Variants in SYTL5 observed in about 807,000 individuals in gnomAD.
The protein encoded by SYTL5 is synaptotagmin like 5.
In SYTL5, 34 loss-of-function variants were observed where a neutral mutation model predicts 55.9. That is an observed-to-expected ratio of 0.61 (90% CI 0.46 to 0.81). The LOEUF (loss-of-function observed/expected upper bound fraction) is 0.81. SYTL5 is among the 30% of genes least tolerant of loss of function. SYTL5 has a pLI of 0.00. For synonymous variants in SYTL5, 221 were observed against 188.7 expected, an observed-to-expected ratio of 1.17 and a Z score of -1.40; for missense variants, 637 against 546.7, an observed-to-expected ratio of 1.17 and a Z score of -1.65.
chrX:38,080,040 T>C (rs1936489358), intron 6 of SYTL5, among the ~76,000 whole-genome samples: 1 of 111,788 alleles, frequency 8.9e-6, no homozygotes, highest in African/African-American at 3.3e-5. Context: ...CTGTATTTTA[T>C]CTGACAACTC....
At chrX:38,057,610 G>A (rs770655856) in intron 3 of SYTL5, among the ~76,000 whole-genome samples, 88 of 111,607 alleles carry the variant, frequency 7.9e-4, no homozygotes, top group African/African-American at 2.5e-3. Flanking sequence ...CAGTTTTAAA[G>A]AAACGAATCT....
the SYTL5 span, among the ~76,000 whole-genome samples, chrX:37,970,217 T>C: frequency 9.0e-6 from 1 of 111,561 alleles, no homozygotes; most frequent in Non-Finnish European, 1.9e-5. Flanking sequence ...TTACTACGAC[T>C]TATGTAGTTC....
At chrX:37,971,236 T>C in the SYTL5 span, among the ~76,000 whole-genome samples, 2 of 110,461 alleles carry the variant, frequency 1.8e-5, no homozygotes, top group African/African-American at 6.6e-5. Flanking sequence ...TTTTTTCATG[T>C]TTTAAAAATC....
the SYTL5 span, among the ~76,000 whole-genome samples, chrX:37,954,901 T>G: frequency 9.0e-6 from 1 of 111,363 alleles, no homozygotes; most frequent in Non-Finnish European, 1.9e-5. Context: ...AATTCCAGTA[T>G]GCCATATGAA....
intron 1 of SYTL5, among the ~76,000 whole-genome samples, chrX:38,014,801 G>A (rs1934297604): frequency 8.9e-6 from 1 of 112,209 alleles, no homozygotes; most frequent in African/African-American, 3.2e-5. Context: ...AAAAAACAGG[G>A]CAAAGGAAGC....
At chrX:37,947,138 G>A in the SYTL5 span, among the ~76,000 whole-genome samples, 3 of 110,857 alleles carry the variant, frequency 2.7e-5, no homozygotes, top group Non-Finnish European at 5.7e-5. Flanking sequence ...CAAATTGATT[G>A]TCTTCATATT....
At chrX:38,026,285 G>A (rs761588805) in intron 1 of SYTL5, among the ~76,000 whole-genome samples, 12 of 111,916 alleles carry the variant, frequency 1.1e-4, no homozygotes, top group African/African-American at 1.6e-4. Flanking sequence ...GAAGGACTGC[G>A]TTATCATCAA....
intron 6 of SYTL5, among the ~76,000 whole-genome samples, chrX:38,083,762 T>A (rs1163135741): frequency 8.8e-5 from 7 of 79,832 alleles, no homozygotes; most frequent in African/African-American, 3.7e-4. Context: ...AGTTTAGTTT[T>A]TAAATAGACT....
the SYTL5 span, among the ~76,000 whole-genome samples, chrX:37,914,246 C>T: frequency 9.0e-6 from 1 of 111,536 alleles, no homozygotes; most frequent in Non-Finnish European, 1.9e-5. Context: ...TAGACAAATA[C>T]TCCTACATGT....
At chrX:38,105,839 T>C (rs1937196519) in intron 10 of SYTL5, among the ~76,000 whole-genome samples, 1 of 112,320 alleles carries the variant, frequency 8.9e-6, no homozygotes, top group South Asian at 3.8e-4. Context: ...CTCATGTCAT[T>C]AGTGTCTTGT....
At chrX:37,955,560 C>T in the SYTL5 span, among the ~76,000 whole-genome samples, 1 of 111,757 alleles carries the variant, frequency 8.9e-6, no homozygotes, top group East Asian at 2.8e-4. Context: ...TATTTTTGTT[C>T]TTAAGGTTAA....
chrX:38,011,419 C>T (rs780518101), intron 1 of SYTL5, among the ~76,000 whole-genome samples: 39 of 109,659 alleles, frequency 3.6e-4, no homozygotes, highest in African/African-American at 1.2e-3. Flanking sequence ...ATCACGAGGT[C>T]AGGAGATCGA....
the SYTL5 span, among the ~76,000 whole-genome samples, chrX:37,974,434 G>A: frequency 8.0e-5 from 9 of 111,834 alleles, no homozygotes; most frequent in Admixed American, 1.9e-4. Context: ...GTGAAGGTAG[G>A]TATGGGAAAT....
At chrX:37,946,041 A>C in the SYTL5 span, 1 of 123,357 alleles carries the variant, frequency 8.1e-6, no homozygotes, top group Non-Finnish European at 1.8e-5. Context: ...CAACATGGGG[A>C]TCTGCTATTG....
At chrX:37,910,523 A>C in the SYTL5 span, among the ~76,000 whole-genome samples, 1 of 112,162 alleles carries the variant, frequency 8.9e-6, no homozygotes, top group Non-Finnish European at 1.9e-5. Flanking sequence ...TCAAACTTTA[A>C]TGTGCGCACC....
At chrX:37,984,270 T>C in the SYTL5 span, among the ~76,000 whole-genome samples, 1 of 111,600 alleles carries the variant, frequency 9.0e-6, no homozygotes, top group Non-Finnish European at 1.9e-5. Flanking sequence ...AGAGAATTCA[T>C]ATTGCTGGAA....
intron 2 of SYTL5, among the ~76,000 whole-genome samples, chrX:38,034,499 G>A (rs919451096): frequency 4.4e-5 from 5 of 112,577 alleles, no homozygotes; most frequent in African/African-American, 1.6e-4. Flanking sequence ...GCCATTGTCA[G>A]ATCAGTCTTA....
the SYTL5 span, among the ~76,000 whole-genome samples, chrX:37,926,030 C>T: frequency 9.0e-6 from 1 of 111,517 alleles, no homozygotes; most frequent in Non-Finnish European, 1.9e-5. Flanking sequence ...GGGCTGGTTC[C>T]ATATTTTTGC....
At chrX:38,078,561 A>T (rs1936447905) in intron 6 of SYTL5, among the ~76,000 whole-genome samples, 1 of 111,301 alleles carries the variant, frequency 9.0e-6, no homozygotes, top group East Asian at 2.8e-4. Flanking sequence ...CACCCGGCCA[A>T]TGTTCCTTGT....
Sources: allele counts gnomAD v4.1 joint callset (sites outside exome capture counted in the v4.1 genomes callset), GRCh38; gene constraint gnomAD v4.1.1; transcripts MANE v1.5; gene names NCBI Gene and HGNC (gene_info 2026-07-23, HGNC 2026-07-21).